The following IL17B variants were observed in gnomAD, a reference collection of about 807,000 sequenced individuals.
IL17B encodes the protein interleukin-17B.
IL17B carries 14 observed loss-of-function variants against 14.7 expected under a neutral mutation model. The ratio of observed to expected loss-of-function variants is 0.95; its 90% CI spans 0.63 to 1.49. The LOEUF (loss-of-function observed/expected upper bound fraction) is 1.49, where lower values mean the gene tolerates loss of function less well. IL17B is among the 40% of genes most tolerant of loss of function. The probability of loss-of-function intolerance (pLI) is 0.00; values close to 1 mark genes in which losing one functional copy is unlikely to be tolerated. For missense variants in IL17B, 233 were observed against 252.8 expected, an observed-to-expected ratio of 0.92 and a Z score of 0.53; for synonymous variants, 105 against 94.8, an observed-to-expected ratio of 1.11 and a Z score of -0.62.
chr5:149,376,692 G>A (rs1318152752), intron 2 of IL17B, 44 bp downstream of exon 2: 2 of 1,558,298 alleles, frequency 1.3e-6, no homozygotes, highest in East Asian at 2.3e-5. Context: ...CACAGGAAAG[G>A]TCCCCACCCC....
chr5:149,385,013 A>G (rs1758794224), intron 1 of IL17B, among the ~76,000 whole-genome samples: 1 of 149,658 alleles, frequency 6.7e-6, no homozygotes, highest in East Asian at 2.0e-4. Flanking sequence ...GGTCCCTGTT[A>G]AGCAATTCTC....
intron 1 of IL17B, among the ~76,000 whole-genome samples, chr5:149,385,350 C>T (rs111745807): frequency 2.0e-5 from 3 of 150,274 alleles, no homozygotes; most frequent in Admixed American, 2.0e-4. Context: ...AATGAAACTC[C>T]ATCTCAGAAA....
intron 1 of IL17B, among the ~76,000 whole-genome samples, chr5:149,387,478 AC>A (rs1758848975): frequency 6.6e-6 from 1 of 152,118 alleles, no homozygotes; most frequent in African/African-American, 2.4e-5. Flanking sequence ...AATTTGAAAA[AC>A]ACTTTTAGCT....
In IL17B at chr5:149,390,587, GCACACACACACACACA is replaced by G. The variant is rs56268721; in HGVS notation, n.95+13505_95+13520del. Among the ~76,000 whole-genome samples the G allele has an allele frequency of 7.8e-5, 9 of 114,876 alleles. No homozygotes were observed. The South Asian group carries it at 1.3e-3, about 16-fold the overall frequency. The allele number at this position is 114,876 out of a possible 152,430, so 75.4% of individuals were successfully genotyped here. On this transcript the variant is annotated intron_variant and non_coding_transcript_variant, in intron 1 of 2. Coordinates refer to the IL17B transcript ENST00000505432. ...TCACAGCACCTCCATCCCTGAGTTA[GCACACACACACACACA>G]CACACACACACACACACACACACAC...
rs536146832 is a variant in IL17B at position 149,394,240 on chromosome 5, T to C, written n.95+9868A>G. On this transcript the variant is annotated intron_variant and non_coding_transcript_variant, in intron 1 of 2. Coordinates refer to the IL17B transcript ENST00000505432. ...TAGGTCAAAAAGGGAAATCTACAAA[T>C]GCATATCGCTATGGTTGTTAATTGT... Among the ~76,000 whole-genome samples the C allele has an allele frequency of 1.3e-4, 20 of 152,334 alleles. No homozygotes were observed. In the East Asian group the frequency reaches 2.3e-3, roughly 18 times the overall value.
intron 1 of IL17B, among the ~76,000 whole-genome samples, chr5:149,389,456 T>C (rs1758894692): frequency 6.6e-6 from 1 of 152,238 alleles, no homozygotes; most frequent in Non-Finnish European, 1.5e-5. Context: ...CATCATCTCC[T>C]CTCTTTTACA....
At chr5:149,376,266 C>G (rs1282595894) in intron 2 of IL17B, among the ~76,000 whole-genome samples, 2 of 152,230 alleles carry the variant, frequency 1.3e-5, no homozygotes, top group African/African-American at 4.8e-5. Context: ...ATAGCACTTC[C>G]TGGGCCTCAC....
At chr5:149,377,987 C>CA (rs1374338305) in intron 1 of IL17B, among the ~76,000 whole-genome samples, 3 of 151,848 alleles carry the variant, frequency 2.0e-5, no homozygotes, top group African/African-American at 4.8e-5. Context: ...ACTAAAAATA[C>CA]AAAAAAATTA....
Position 149,374,792 on chromosome 5 carries a change from A to G in IL17B, c.312-192T>C. On this transcript the variant is annotated intron_variant, in intron 2 of 2. Transcript: ENST00000261796. The surrounding 1 kb of genome is among the most constrained non-coding windows in gnomAD (Gnocchi z 5.0). ...ACTGAAGATCATGGAAGGCAAGTCG[A>G]GAGCCCCAAGGTTATCCAGCTTCAA... 1.8e-6 allele frequency: 1 copy of G among 567,940 alleles called. No individual in the cohort carries two copies. The highest frequency in any genetic ancestry group is 2.8e-5 in the East Asian group (1 of 35,528). The allele number at this position is 567,940 out of a possible 1,614,324, so 35.2% of individuals were successfully genotyped here. A position where few individuals can be genotyped will look rare whatever the true frequency, so the allele number is the denominator to read the frequency against.
intron 2 of IL17B, among the ~76,000 whole-genome samples, chr5:149,375,589 T>A (rs2127616579): frequency 6.6e-6 from 1 of 152,256 alleles, no homozygotes. Flanking sequence ...ACTAGCTTCA[T>A]GTGTCAAATT....
intron 1 of IL17B, among the ~76,000 whole-genome samples, chr5:149,401,067 C>A (rs961337712): frequency 6.6e-6 from 1 of 152,224 alleles, no homozygotes; most frequent in Non-Finnish European, 1.5e-5. Context: ...CATCCCATAG[C>A]CCAATCAAAT....
intron 1 of IL17B, among the ~76,000 whole-genome samples, chr5:149,390,587 G>GCACACACACACACA (rs56268721): frequency 1.0e-4 from 12 of 114,880 alleles, no homozygotes; most frequent in African/African-American, 3.2e-4. Context: ...CCCTGAGTTA[G>GCACACACACACACA]CACACACACA....
intron 1 of IL17B, among the ~76,000 whole-genome samples, chr5:149,397,190 G>A (rs6891731): frequency 0.047 from 7,192 of 151,996 alleles, 494 homozygotes; most frequent in African/African-American, 0.15. Context: ...TTTCTTTTGA[G>A]ATGGAGTTTT....
chr5:149,388,816 G>A (rs1188883490), intron 1 of IL17B, among the ~76,000 whole-genome samples: 1 of 152,212 alleles, frequency 6.6e-6, no homozygotes, highest in East Asian at 1.9e-4. Context: ...CAGAGTCAGA[G>A]GTCTGTAGAC....
intron 1 of IL17B, among the ~76,000 whole-genome samples, chr5:149,397,672 A>C (rs1759118612): frequency 6.6e-6 from 1 of 152,184 alleles, no homozygotes; most frequent in Admixed American, 6.5e-5. Flanking sequence ...GCGCATGTAG[A>C]TATATGAGAG....
rs779926725 is a variant in IL17B, at chr5:149,379,190, G to A, written c.21+15C>T. The A allele has an allele frequency of 2.5e-6, 4 of 1,614,078 alleles. No homozygotes were observed. In the South Asian group the frequency reaches 4.4e-5, roughly 18 times the overall value. Reference sequence around the variant, plus strand: ...TTAAAAAGGGGTGGGGGTGCGGCAGGGAAGCGCCACGTACCAGGTTGTGAG... The same window carrying A: ...TTAAAAAGGGGTGGGGGTGCGGCAGAGAAGCGCCACGTACCAGGTTGTGAG... On this transcript the variant is annotated intron_variant, in intron 1 of 2. Transcript: ENST00000261796.
chr5:149,390,630 C>CACACACACACACACACACACACAGAG (rs1491235916), intron 1 of IL17B, among the ~76,000 whole-genome samples: 3 of 132,002 alleles, frequency 2.3e-5, no homozygotes, highest in South Asian at 2.5e-4. Context: ...CACACACACA[C>CACACACACACACACACACACACAGAG]AGAGATACAC....
At chr5:149,394,150 G>A (rs1759045464) in intron 1 of IL17B, among the ~76,000 whole-genome samples, 1 of 152,098 alleles carries the variant, frequency 6.6e-6, no homozygotes, top group South Asian at 2.1e-4. Context: ...TAAACACTCA[G>A]GTACACTAAT....
chr5:149,376,825 C>T lies in IL17B; in HGVS notation c.222G>A (p.Arg74=). The change falls in exon 2 of 3, where the codon AGG becomes AGA. Residue 74 remains arginine, a synonymous_variant. Coordinates refer to ENST00000261796, the MANE Select transcript of IL17B (RefSeq NM_014443.3). ...RNIEEMVAQL[R]NSSELAQRKC... ...TTCTCTGGGCCAGCTCTGAGCTGTT[C>T]CTCAGCTGGGCCACCATCTCCTCGA... 3 of 1,614,032 alleles carry T rather than the reference C, an allele frequency of 1.9e-6. No homozygotes were observed. Among genetic ancestry groups the T allele is most frequent in the Non-Finnish European group, 2.5e-6 (3 of 1,179,880 alleles).
Sources: allele counts gnomAD v4.1 joint callset (sites outside exome capture counted in the v4.1 genomes callset), GRCh38; gene constraint gnomAD v4.1.1; non-coding constraint Gnocchi (gnomAD v3.1); transcripts MANE v1.5; gene names NCBI Gene and HGNC (gene_info 2026-07-23, HGNC 2026-07-21).